Variants in DAB1 observed in about 807,000 individuals in gnomAD.
DAB1 encodes the protein disabled homolog 1.
DAB1 carries 15 observed loss-of-function variants against 64.6 expected under a neutral mutation model. The ratio of observed to expected loss-of-function variants is 0.23; its 90% CI spans 0.16 to 0.36. The LOEUF is 0.36. DAB1 is among the 10% of genes least tolerant of loss of function. The pLI, the probability that DAB1 is intolerant of heterozygous loss-of-function variation, is 1.00. For synonymous variants in DAB1, 235 were observed against 251.9 expected (o/e 0.93, Z 0.64); for missense variants, 596 against 706.7 (o/e 0.84, Z 1.78).
At chr1:58,032,575 C>T (rs1557618294) in intron 5 of DAB1, among the ~76,000 whole-genome samples, 1 of 152,146 alleles carries the variant, frequency 6.6e-6, no homozygotes, top group Non-Finnish European at 1.5e-5. Context: ...ATCTAATCCC[C>T]ATGTCAGCCA....
At chr1:58,252,560 G>A (rs1168519215) in intron 4 of DAB1, among the ~76,000 whole-genome samples, 2 of 152,134 alleles carry the variant, frequency 1.3e-5, no homozygotes, top group South Asian at 2.1e-4. Context: ...AAAGGTTTTC[G>A]GCTGAGACAC....
chr1:57,789,508 C>A (rs989678741), intron 6 of DAB1, among the ~76,000 whole-genome samples: 5 of 152,092 alleles, frequency 3.3e-5, no homozygotes, highest in African/African-American at 1.2e-4. Flanking sequence ...CTGGTGAGGA[C>A]CCTCTTCATA....
intron 7 of DAB1, among the ~76,000 whole-genome samples, chr1:57,070,021 G>A (rs1651299529): frequency 6.6e-6 from 1 of 152,222 alleles, no homozygotes; most frequent in Non-Finnish European, 1.5e-5. Flanking sequence ...GCAAGGGGGT[G>A]AAGCTCATAT....
Position 58,126,759 on chromosome 1 carries a change from G to T in DAB1, n.387+23752C>A, listed in dbSNP as rs376461733. 2.5e-4 allele frequency among the ~76,000 whole-genome samples: 38 copies of T among 151,794 alleles called. No homozygotes were observed. In the East Asian group the frequency reaches 3.1e-3, roughly 12 times the overall value. ...TTACTGAGAATGATGATTTCCAATT[G>T]CATCCATGTCCCTACAAAGGACATG... is the stretch of plus-strand genomic sequence containing the variant. On this transcript the variant is annotated intron_variant and non_coding_transcript_variant, in intron 5 of 20. Coordinates refer to the DAB1 transcript ENST00000485760.
chr1:57,096,461 T>C (rs1247860066), intron 4 of DAB1, among the ~76,000 whole-genome samples: 2 of 152,300 alleles, frequency 1.3e-5, no homozygotes, highest in East Asian at 1.9e-4. Flanking sequence ...AAAAGAAATA[T>C]TGAGTATCCC....
intron 6 of DAB1, among the ~76,000 whole-genome samples, chr1:57,715,440 A>G (rs1341322450): frequency 1.3e-5 from 2 of 152,194 alleles, no homozygotes; most frequent in Non-Finnish European, 2.9e-5. Context: ...GCAATTAGGC[A>G]GGAGAAAGAA....
intron 7 of DAB1, among the ~76,000 whole-genome samples, chr1:57,494,658 AG>A (rs1644208323): frequency 6.6e-6 from 1 of 152,218 alleles, no homozygotes. Flanking sequence ...CATCCTTTAT[AG>A]GTCATCCAGT....
At chr1:57,666,936 T>C (rs1267104664) in intron 6 of DAB1, among the ~76,000 whole-genome samples, 1 of 151,924 alleles carries the variant, frequency 6.6e-6, no homozygotes. Context: ...GCTTATGCCA[T>C]TGTTTTCCAT....
At chr1:57,263,150 C>G (rs985757206) in intron 2 of DAB1, among the ~76,000 whole-genome samples, 1 of 151,270 alleles carries the variant, frequency 6.6e-6, no homozygotes, top group South Asian at 2.1e-4. Flanking sequence ...GAGTCTCGCT[C>G]TGTTGCCCAG....
intron 7 of DAB1, among the ~76,000 whole-genome samples, chr1:57,457,462 A>G (rs1458507955): frequency 6.6e-6 from 1 of 152,206 alleles, no homozygotes; most frequent in Non-Finnish European, 1.5e-5. Context: ...GCTATAGAAC[A>G]AGGAAACAGG....
At chr1:58,123,569 C>T (rs530016674) in intron 5 of DAB1, among the ~76,000 whole-genome samples, 7 of 152,262 alleles carry the variant, frequency 4.6e-5, no homozygotes, top group Non-Finnish European at 8.8e-5. Context: ...TAGGCAGCCT[C>T]GTAATTTACC....
At chr1:58,025,649 G>GTATATATATA (rs1395128282) in intron 5 of DAB1, among the ~76,000 whole-genome samples, 12 of 115,062 alleles carry the variant, frequency 1.0e-4, no homozygotes, top group African/African-American at 4.4e-4. Context: ...ATATATATGT[G>GTATATATATA]TGTATATATA....
At chr1:57,471,822 G>A (rs1687147373) in intron 7 of DAB1, among the ~76,000 whole-genome samples, 1 of 152,146 alleles carries the variant, frequency 6.6e-6, no homozygotes, top group Non-Finnish European at 1.5e-5. Flanking sequence ...CTCCAAAATT[G>A]TCATATATCT....
At chr1:58,497,881 C>T (rs1645831246) in intron 3 of DAB1, among the ~76,000 whole-genome samples, 1 of 152,170 alleles carries the variant, frequency 6.6e-6, no homozygotes, top group Admixed American at 6.5e-5. Context: ...GAACTCAAAG[C>T]CACCTCTTGG....
chr1:57,814,704 T>G (rs1385924097), intron 6 of DAB1, among the ~76,000 whole-genome samples: 1 of 152,142 alleles, frequency 6.6e-6, no homozygotes, highest in African/African-American at 2.4e-5. Context: ...CAATGCAAAA[T>G]CAAGATTTGA....
chr1:58,415,178 A>G (rs1644707904), intron 3 of DAB1, among the ~76,000 whole-genome samples: 1 of 152,124 alleles, frequency 6.6e-6, no homozygotes, highest in Admixed American at 6.5e-5. Context: ...TGCATGCACC[A>G]TGTGAGAACA....
At chr1:57,467,093 G>A (rs199992549) in intron 7 of DAB1, among the ~76,000 whole-genome samples, 6 of 152,202 alleles carry the variant, frequency 3.9e-5, no homozygotes, top group South Asian at 4.2e-4. Context: ...AGAATCAGTC[G>A]TAGAATTCTG....
At chr1:57,906,937 CAGAT>C (rs5774378) in intron 5 of DAB1, among the ~76,000 whole-genome samples, 87,608 of 146,540 alleles carry the variant, frequency 0.6, 26,666 homozygotes, top group Admixed American at 0.66. Flanking sequence ...ATATAATATG[CAGAT>C]AGATAGATAG....
At chr1:57,734,112 A>G (rs1195494037) in intron 6 of DAB1, among the ~76,000 whole-genome samples, 1 of 146,300 alleles carries the variant, frequency 6.8e-6, no homozygotes, top group Admixed American at 7.0e-5. Flanking sequence ...AGGCGTGGAT[A>G]AAAAAAAAAA....
Sources: allele counts gnomAD v4.1 joint callset (sites outside exome capture counted in the v4.1 genomes callset), GRCh38; gene constraint gnomAD v4.1.1; transcripts MANE v1.5; gene names NCBI Gene and HGNC (gene_info 2026-07-23, HGNC 2026-07-21).